The following WDR1 variants were observed in gnomAD, a reference collection of about 807,000 sequenced individuals.
WDR1 encodes WD repeat domain 1.
Under a neutral mutation model 71.9 loss-of-function variants are expected in WDR1, and 21 were observed. That is an observed-to-expected ratio of 0.29 (90% confidence interval 0.21 to 0.42). WDR1 has a LOEUF of 0.42. WDR1 is among the 10% of genes least tolerant of loss of function. The pLI, the probability that WDR1 is intolerant of heterozygous loss-of-function variation, is 1.00. For synonymous variants in WDR1, 424 were observed against 347.4 expected (o/e 1.22, Z -2.45); for missense variants, 696 against 824.5 (o/e 0.84, Z 1.91).
At position 10,088,305 on chromosome 4, in the gene WDR1, A is replaced by G. The variant is rs1240255130; in HGVS notation, c.705T>C (p.Gly235=). The change falls in exon 7 of 15, where the codon GGT becomes GGC. Residue 235 remains glycine (G), a synonymous_variant. Transcript: ENST00000499869. ...CALGGSKAHD[G]GIYAISWSPD... The stretch of plus-strand genomic sequence containing the variant: ...CGCTCATACTCACTGCGTAAATCCC[A>G]CCGTCGTGGGCCTTGCTTCCGCCCA... 1 of 1,551,600 alleles carries G rather than the reference A, an allele frequency of 6.4e-7. No homozygotes were observed. Among genetic ancestry groups the G allele is most frequent in the Non-Finnish European group, 8.7e-7 (1 of 1,146,272 alleles).
chr4:10,077,534 C>T (rs1255513904), intron 13 of WDR1, 86 bp from the exon 14 acceptor site: 15 of 1,584,288 alleles, frequency 9.5e-6, no homozygotes, highest in East Asian at 2.2e-5. Flanking sequence ...CTCATGGCGA[C>T]AATAAGGACC....
In WDR1 at chr4:10,088,281, G is replaced by T; in HGVS notation, c.717+12C>A. The T allele has an allele frequency of 6.4e-7, 1 of 1,551,084 alleles. No individual in the cohort carries two copies. The highest frequency in any genetic ancestry group is 8.7e-7 in the Non-Finnish European group (1 of 1,147,084). The stretch of plus-strand genomic sequence containing the variant: ...TTCCCACCACTAGGCCGGGAAACAC[G>T]CTCATACTCACTGCGTAAATCCCAC... On this transcript the variant is annotated intron_variant, in intron 7 of 14. Coordinates refer to ENST00000499869, the MANE Select transcript of WDR1 (RefSeq NM_017491.5).
rs1560552087 is a variant in WDR1 at position 10,116,166 on chromosome 4, C to T, written c.85G>A (p.Gly29Ser). The T allele has an allele frequency of 3.1e-6, 5 of 1,613,672 alleles. No individual in the cohort carries two copies. Among genetic ancestry groups the T allele is most frequent in the Non-Finnish European group, 3.4e-6 (4 of 1,179,818 alleles). Residue 29 changes from glycine (G) to serine (S), a missense_variant, in exon 2 of 15, where the codon GGC (glycine) becomes AGC (serine). Gly to Ser is a moderately conservative substitution (Grantham distance 56). Coordinates refer to ENST00000499869, the MANE Select transcript of WDR1 (RefSeq NM_017491.5). ...CCATTGGTGTACAGAAAATTGTTGC[C>T]CTTAGGGTCGCCGCCGATGATCTTG... ...VSKIIGGDPK[G>S]NNFLYTNGKC...
At chr4:10,116,331 CTGT>C in intron 1 of WDR1, 97 bp from the exon 2 acceptor site, 1 of 1,525,196 alleles carries the variant, frequency 6.6e-7, no homozygotes, top group Non-Finnish European at 8.9e-7. Context: ...GGCCGGTCAC[CTGT>C]TGACTGCGCC....
chr4:10,101,128 A>G (rs1712657922), intron 3 of WDR1, among the ~76,000 whole-genome samples: 1 of 152,272 alleles, frequency 6.6e-6, no homozygotes, highest in South Asian at 2.1e-4. Context: ...GCCAAGGCAG[A>G]CAGAACAGTA....
chr4:10,077,953 G>A, intron 12 of WDR1, 27 bp from the exon 13 acceptor site: 1 of 1,581,362 alleles, frequency 6.3e-7, no homozygotes. Context: ...GAGGAAGTGA[G>A]CCACCCCTGA....
intron 2 of WDR1, among the ~76,000 whole-genome samples, chr4:10,109,200 G>A (rs959521315): frequency 1.2e-4 from 18 of 152,244 alleles, no homozygotes; most frequent in African/African-American, 4.1e-4. Context: ...TGGGCGATAC[G>A]CCCCAGGCCA....
chr4:10,095,328 T>C (rs1560538190), intron 5 of WDR1, among the ~76,000 whole-genome samples: 1 of 152,248 alleles, frequency 6.6e-6, no homozygotes, highest in East Asian at 1.9e-4. Context: ...CATATGGTTT[T>C]AAAATCTTTT....
intron 3 of WDR1, among the ~76,000 whole-genome samples, chr4:10,099,954 C>T (rs539166990): frequency 3.9e-5 from 6 of 152,344 alleles, no homozygotes; most frequent in African/African-American, 1.4e-4. Flanking sequence ...CCCAATCCCC[C>T]ACCACGATCC....
At chr4:10,107,236 G>C in intron 2 of WDR1, among the ~76,000 whole-genome samples, 1 of 152,154 alleles carries the variant, frequency 6.6e-6, no homozygotes, top group East Asian at 1.9e-4. Context: ...TGCAGGCTGG[G>C]CCAGCTCTGG....
In WDR1 at chr4:10,074,973, G is replaced by A. The variant is rs758576873; in HGVS notation, c.*405C>T. ...TCCCTCTTCTCACTAGTACAGAAAT[G>A]TTCTGCAGGCAGGAACATGAGCCCC... On this transcript the variant is annotated 3_prime_UTR_variant, in exon 15 of 15. Coordinates refer to ENST00000499869, the MANE Select transcript of WDR1 (RefSeq NM_017491.5). 13 of 252,136 alleles carry A rather than the reference G, an allele frequency of 5.2e-5. No individual in the cohort carries two copies. The highest frequency in any genetic ancestry group is 9.9e-5 in the Non-Finnish European group (13 of 131,454). 15.6% of individuals were successfully genotyped at this position (252,136 alleles called of 1,614,324 possible). A position where few individuals can be genotyped will look rare whatever the true frequency, so the allele number is the denominator to read the frequency against.
At position 10,083,475 on chromosome 4, in the gene WDR1, G is replaced by A. The variant is rs544750511; in HGVS notation, c.1040-297C>T. On this transcript the variant is annotated intron_variant, in intron 9 of 14. Transcript: ENST00000499869. ...GGCGTCTCCTCTGCTACTAGTTATC[G>A]GGTAGGCGCAACCCTCTAACCCCAC... 58 of 537,200 alleles carry A rather than the reference G, an allele frequency of 1.1e-4. No individual in the cohort carries two copies. The East Asian group carries it at 1.6e-3, about 15-fold the overall frequency. The allele number at this position is 537,200 out of a possible 1,614,324, so 33.3% of individuals were successfully genotyped here.
chr4:10,099,047 T>C lies in WDR1; in HGVS notation c.322A>G (p.Ile108Val). 4 of 1,613,962 alleles carry C rather than the reference T, an allele frequency of 2.5e-6. No individual in the cohort carries two copies. The highest frequency in any genetic ancestry group is 1.6e-4 in the Middle Eastern group (1 of 6,062). Residue 108 changes from isoleucine to valine, a missense_variant, in exon 4 of 15, where the codon ATT becomes GTT. By Grantham distance (29) the Ile-to-Val change is conservative. Transcript: ENST00000499869. ...YQPFAGKIKDIAWTEDSKRIA... is the reference protein window; with the variant it reads ...YQPFAGKIKDVAWTEDSKRIA... ...CTCTTACTGTCTTCAGTCCAAGCAA[T>C]GTCTTTGATCTTCCCAGCGAAAGGC...
chr4:10,078,045 C>T, intron 12 of WDR1, 119 bp from the exon 13 acceptor site: 2 of 1,264,530 alleles, frequency 1.6e-6, no homozygotes, highest in Non-Finnish European at 2.1e-6. Flanking sequence ...TGCTGCTCTG[C>T]TGGGCCCATG....
At chr4:10,087,303 C>T (rs1711646644) in intron 8 of WDR1, among the ~76,000 whole-genome samples, 1 of 152,278 alleles carries the variant, frequency 6.6e-6, no homozygotes, top group South Asian at 2.1e-4. Flanking sequence ...CTCAGCGATG[C>T]CCCGTCACCT....
Position 10,116,718 on chromosome 4 carries a change from C to T in WDR1, c.-52G>A. The T allele has an allele frequency of 7.6e-7, 1 of 1,316,148 alleles. No individual in the cohort carries two copies. Among genetic ancestry groups the T allele is most frequent in the Non-Finnish European group, 9.7e-7 (1 of 1,030,248 alleles). 81.5% of individuals were successfully genotyped at this position (1,316,148 alleles called of 1,614,324 possible). A position where few individuals can be genotyped will look rare whatever the true frequency, so the allele number is the denominator to read the frequency against. ...CTCGCCGAGAGCCTCCGGGGCCGGC[C>T]CGCGCTGCGAATTACACCTCGCCGA... On this transcript the variant is annotated 5_prime_UTR_variant, in exon 1 of 15. Coordinates refer to ENST00000499869, the MANE Select transcript of WDR1 (RefSeq NM_017491.5).
intron 3 of WDR1, among the ~76,000 whole-genome samples, chr4:10,101,334 G>A (rs1712672556): frequency 6.6e-6 from 1 of 152,184 alleles, no homozygotes; most frequent in Non-Finnish European, 1.5e-5. Context: ...AGAGGGCTGG[G>A]GCCAGCTGCC....
At chr4:10,089,737 T>C (rs1711840566) in intron 5 of WDR1, among the ~76,000 whole-genome samples, 1 of 152,172 alleles carries the variant, frequency 6.6e-6, no homozygotes, top group Non-Finnish European at 1.5e-5. Flanking sequence ...GAAAAGCAAT[T>C]CAACCCCAAG....
At chr4:10,098,672 A>G (rs1712506618) in intron 4 of WDR1, among the ~76,000 whole-genome samples, 1 of 152,190 alleles carries the variant, frequency 6.6e-6, no homozygotes, top group Non-Finnish European at 1.5e-5. Flanking sequence ...CCCCGAATAG[A>G]AGTGCTGTTG....
Sources: allele counts gnomAD v4.1 joint callset (sites outside exome capture counted in the v4.1 genomes callset), GRCh38; gene constraint gnomAD v4.1.1; transcripts MANE v1.5; gene names NCBI Gene and HGNC (gene_info 2026-07-23, HGNC 2026-07-21).